Variants in LAMA1 observed in about 807,000 individuals in gnomAD.
LAMA1 encodes laminin subunit alpha 1.
Under a neutral mutation model 348.7 loss-of-function variants are expected in LAMA1, and 219 were observed. That is an observed-to-expected ratio of 0.63 (90% CI 0.56 to 0.70). LAMA1 has a LOEUF of 0.70. LAMA1 is among the 30% of genes least tolerant of loss of function. The pLI is 0.00. For missense variants in LAMA1, 3,744 were observed against 3,888.0 expected, an observed-to-expected ratio of 0.96 and a Z score of 0.99; for synonymous variants, 1,487 against 1,491.0, an observed-to-expected ratio of 1.00 and a Z score of 0.06.
At chr18:6,948,357 A>G in intron 60 of LAMA1, 46 bp downstream of exon 60, 1 of 1,613,220 alleles carries the variant, frequency 6.2e-7, no homozygotes, top group Non-Finnish European at 8.5e-7. Flanking sequence ...GCTTTAGAGT[A>G]CAGACTCATT....
chr18:7,010,438 A>G (rs2057854630), intron 25 of LAMA1, 53 bp from the exon 26 acceptor site: 1 of 1,521,214 alleles, frequency 6.6e-7, no homozygotes, highest in Admixed American at 1.7e-5. Context: ...TCATTCAAAA[A>G]CATTTTATTG....
In LAMA1 at chr18:6,943,425, G is replaced by C. The variant is rs142704825; in HGVS notation, c.8845-23C>G. The C allele has an allele frequency of 4.4e-5, 70 of 1,594,294 alleles. 3 individuals carry two copies. The African/African-American group carries it at 8.3e-4, about 19-fold the overall frequency. On this transcript the variant is annotated intron_variant, in intron 61 of 62. Transcript: ENST00000389658. The stretch of plus-strand genomic sequence containing the variant: ...GACCTAAAAGCAAATATCTTGGTGA[G>C]TTTTTGTGTATTTAAGGAACACAGT...
At position 6,964,546 on chromosome 18, in the gene LAMA1, G is replaced by A. The variant is rs2057623618; in HGVS notation, c.7337+116C>T. 32 of 1,282,262 alleles carry A rather than the reference G, an allele frequency of 2.5e-5. No homozygotes were observed. The South Asian group carries it at 3.7e-4, about 15-fold the overall frequency. 79.4% of individuals were successfully genotyped at this position (1,282,262 alleles called of 1,614,324 possible). A position where few individuals can be genotyped will look rare whatever the true frequency, so the allele number is the denominator to read the frequency against. On this transcript the variant is annotated intron_variant, in intron 51 of 62. Coordinates refer to ENST00000389658, the MANE Select transcript of LAMA1 (RefSeq NM_005559.4). ...TTGGACTTGCAGCCTCTAGAACTGG[G>A]AAAGAATAAATTAGTGTTGTTTAAG...
chr18:6,958,606 A>G lies in LAMA1; in HGVS notation c.7835T>C (p.Leu2612Ser). 6.2e-7 allele frequency: 1 copy of G among 1,614,170 alleles called. No individual in the cohort carries two copies. The highest frequency in any genetic ancestry group is 1.7e-5 in the Admixed American group (1 of 60,018). ...NNPVEMKLGT[L>S]VESRTINVSN... ...CACATTTATCGTCCTGCTTTCTACT[A>G]ATGTGCCCAACTTCATTTCCACAGG... The change falls in exon 55 of 63, where the codon TTA becomes TCA. Residue 2612 changes from leucine (L) to serine (S), a missense_variant. This residue lies in a region of LAMA1 where 1,983 missense variants were observed against 1,934.3 expected (regional missense o/e 1.03). Coordinates refer to ENST00000389658, the MANE Select transcript of LAMA1 (RefSeq NM_005559.4).
At position 6,985,619 on chromosome 18, in the gene LAMA1, C is replaced by G. The variant is rs2144058409; in HGVS notation, c.5404G>C (p.Glu1802Gln). 9.9e-6 allele frequency: 16 copies of G among 1,613,872 alleles called. No homozygotes were observed. Among genetic ancestry groups the G allele is most frequent in the Non-Finnish European group, 1.3e-5 (15 of 1,179,820 alleles). ...ATGAGCTCTGAGGTCAGATTTTGTT[C>G]TTCTTGAACATGCAGCTTTTTATCC... ...FSDKKLHVQE[E>Q]QNLTSELIVQ... Residue 1802 changes from glutamate to glutamine, a missense_variant, in exon 38 of 63, where the codon GAA (glutamate) becomes CAA (glutamine). Around this residue, in one of 3 missense-constraint regions of LAMA1, gnomAD observed 1,983 missense variants for 1,934.3 expected, o/e 1.03. Transcript: ENST00000389658.
intron 51 of LAMA1, among the ~76,000 whole-genome samples, chr18:6,962,908 C>T (rs2057614928): frequency 6.6e-6 from 1 of 152,202 alleles, no homozygotes; most frequent in Non-Finnish European, 1.5e-5. Flanking sequence ...TACCAGAAGT[C>T]TCCACACTCC....
intron 1 of LAMA1, among the ~76,000 whole-genome samples, chr18:7,093,602 G>A (rs2058248603): frequency 1.3e-5 from 2 of 152,110 alleles, no homozygotes; most frequent in African/African-American, 4.8e-5. Flanking sequence ...TGTGAGAGGT[G>A]TGCACAATGT....
intron 42 of LAMA1, among the ~76,000 whole-genome samples, chr18:6,979,988 C>T (rs2057703440): frequency 6.6e-6 from 1 of 152,060 alleles, no homozygotes; most frequent in South Asian, 2.1e-4. Context: ...TGCGGCCTGG[C>T]TTCTCTGTTA....
intron 3 of LAMA1, among the ~76,000 whole-genome samples, chr18:7,065,902 G>A (rs1188092405): frequency 1.3e-5 from 2 of 152,294 alleles, no homozygotes; most frequent in African/African-American, 4.8e-5. Flanking sequence ...AGGCCAGAGC[G>A]AGTCAGTGCT....
intron 30 of LAMA1, 60 bp downstream of exon 30, chr18:7,002,204 G>A: frequency 6.3e-7 from 1 of 1,598,288 alleles, no homozygotes; most frequent in East Asian, 2.2e-5. Flanking sequence ...TTGAAAATGA[G>A]GCTGAACTGG....
intron 1 of LAMA1, among the ~76,000 whole-genome samples, chr18:7,114,023 G>A (rs1170431455): frequency 6.7e-6 from 1 of 149,354 alleles, no homozygotes; most frequent in Admixed American, 6.8e-5. Context: ...CTTGCAGTGA[G>A]CCGAGATCGT....
In LAMA1 at chr18:6,994,658, A is replaced by G. The variant is rs568289718; in HGVS notation, c.4896+699T>C. Reference sequence around the variant, plus strand: ...ATTAGACATCCATATGTATAGATACACCATCACAGTACAGACACACACACA... The same window carrying G: ...ATTAGACATCCATATGTATAGATACGCCATCACAGTACAGACACACACACA... On this transcript the variant is annotated intron_variant, in intron 34 of 62. Coordinates refer to ENST00000389658, the MANE Select transcript of LAMA1 (RefSeq NM_005559.4). 4.6e-5 allele frequency among the ~76,000 whole-genome samples: 7 copies of G among 151,632 alleles called. No homozygotes were observed. In the South Asian group the frequency reaches 1.3e-3, roughly 27 times the overall value.
At chr18:6,942,930 A>G (rs2057505849) in intron 62 of LAMA1, among the ~76,000 whole-genome samples, 1 of 152,216 alleles carries the variant, frequency 6.6e-6, no homozygotes, top group African/African-American at 2.4e-5. Context: ...TTACTTCGGT[A>G]GAGTCATACG....
chr18:6,978,319 C>A lies in LAMA1; in HGVS notation c.6067G>T (p.Val2023Leu), dbSNP rs755149867. Residue 2023 changes from valine to leucine, a missense_variant, in exon 43 of 63, where the codon GTG becomes TTG. Around this residue, in one of 3 missense-constraint regions of LAMA1, gnomAD observed 1,983 missense variants for 1,934.3 expected, o/e 1.03. Coordinates refer to ENST00000389658, the MANE Select transcript of LAMA1 (RefSeq NM_005559.4). ...ELATSASQSAVSTLRDVAGLS... is the reference protein window; with the variant it reads ...ELATSASQSALSTLRDVAGLS... ...CCCGCCACGTCCCTCAGCGTGCTCA[C>A]CGCGCTCTGGCTTGCAGACGTGGCC... The A allele has an allele frequency of 2.5e-6, 4 of 1,614,142 alleles. No homozygotes were observed. Among genetic ancestry groups the A allele is most frequent in the African/African-American group, 2.7e-5 (2 of 74,946 alleles).
Position 7,008,601 on chromosome 18 carries a change from C to T in LAMA1, c.4009G>A (p.Asp1337Asn), listed in dbSNP as rs748845224. The change falls in exon 28 of 63, where the codon GAC (aspartate) becomes AAC (asparagine). Residue 1337 changes from aspartate to asparagine, a missense_variant. Physicochemically the swap from Asp to Asn is conservative, Grantham distance 23 (BLOSUM62 1). This residue lies in a region of LAMA1 where 1,983 missense variants were observed against 1,934.3 expected (regional missense o/e 1.03). Coordinates refer to ENST00000389658, the MANE Select transcript of LAMA1 (RefSeq NM_005559.4). ...TTTCTGCCAACCTCCATTGAAATGT[C>T]TGAGATTCTGTGCAGCCATCATGTT... ...GQGLQQSRIS[D>N]ISMEVGRKAE... 6.2e-7 allele frequency: 1 copy of T among 1,613,972 alleles called. No individual in the cohort carries two copies. Among genetic ancestry groups the T allele is most frequent in the Non-Finnish European group, 8.5e-7 (1 of 1,179,940 alleles).
chr18:7,066,080 C>T (rs1307217555), intron 3 of LAMA1, among the ~76,000 whole-genome samples: 1 of 152,094 alleles, frequency 6.6e-6, no homozygotes, highest in East Asian at 1.9e-4. Context: ...CCACAATCAC[C>T]CATATTCCCC....
At chr18:7,048,307 G>A (rs1482266424) in intron 5 of LAMA1, among the ~76,000 whole-genome samples, 1 of 152,156 alleles carries the variant, frequency 6.6e-6, no homozygotes, top group African/African-American at 2.4e-5. Context: ...ACGCACACAG[G>A]AACAGCGGGC....
intron 1 of LAMA1, among the ~76,000 whole-genome samples, chr18:7,094,309 A>G (rs943942669): frequency 1.3e-5 from 2 of 151,450 alleles, no homozygotes; most frequent in African/African-American, 4.9e-5. Context: ...CTGTAGTCCC[A>G]GCTACTCGGG....
intron 34 of LAMA1, among the ~76,000 whole-genome samples, chr18:6,995,145 A>G (rs1246147184): frequency 6.6e-6 from 1 of 152,248 alleles, no homozygotes; most frequent in Non-Finnish European, 1.5e-5. Flanking sequence ...AGAGATGACA[A>G]CAGACATTAA....
Sources: allele counts gnomAD v4.1 joint callset (sites outside exome capture counted in the v4.1 genomes callset), GRCh38; gene constraint gnomAD v4.1.1; regional missense constraint gnomAD v4.1.1; transcripts MANE v1.5; gene names NCBI Gene and HGNC (gene_info 2026-07-23, HGNC 2026-07-21).